Variants in ZMYM4 observed in about 807,000 individuals in gnomAD.
The protein encoded by ZMYM4 is zinc finger MYM-type containing 4, also known as zinc finger MYM-type protein 4.
Under a neutral mutation model 183.2 loss-of-function variants are expected in ZMYM4, and 31 were observed. The ratio of observed to expected loss-of-function variants is 0.17; its 90% CI spans 0.13 to 0.23. ZMYM4 has a LOEUF of 0.23. ZMYM4 is among the 10% of genes least tolerant of loss of function. ZMYM4 has a pLI of 1.00. For synonymous variants in ZMYM4, 592 were observed against 631.2 expected (o/e 0.94, Z 0.93); for missense variants, 1,273 against 1,840.3 (o/e 0.69, Z 5.64).
At chr1:35,314,357 T>C (rs913114250) in intron 1 of ZMYM4, among the ~76,000 whole-genome samples, 1 of 151,992 alleles carries the variant, frequency 6.6e-6, no homozygotes, top group Non-Finnish European at 1.5e-5. Flanking sequence ...CAATCTCAGC[T>C]CACTGCAACC....
rs757817247 is a variant in ZMYM4, at chr1:35,386,186, C to G, written c.1833C>G (p.Phe611Leu). ...NFCSYSCVVA[F>L]QNLFNKPTGM... is the part of the protein sequence containing the mutation. Reference sequence around the variant, plus strand: ...GCAGCTACAGCTGTGTGGTAGCTTTCCAGGTATGGCTTCAGGAACCTTCCT... The same window carrying G: ...GCAGCTACAGCTGTGTGGTAGCTTTGCAGGTATGGCTTCAGGAACCTTCCT... Residue 611 changes from phenylalanine to leucine, a missense_variant, in exon 11 of 30, where the codon TTC becomes TTG. Physicochemically the swap from Phe to Leu is conservative, Grantham distance 22 (BLOSUM62 0). Around this residue, in one of 6 missense-constraint regions of ZMYM4, gnomAD observed 319 missense variants for 518.1 expected, o/e 0.62. Transcript: ENST00000314607. 6.2e-7 allele frequency: 1 copy of G among 1,611,408 alleles called. No individual in the cohort carries two copies. The highest frequency in any genetic ancestry group is 2.2e-5 in the East Asian group (1 of 44,802).
chr1:35,268,735 C>G lies in ZMYM4; in HGVS notation c.-312C>G, dbSNP rs1487590045. Among the ~76,000 whole-genome samples, 1 of 152,234 alleles carries G rather than the reference C, an allele frequency of 6.6e-6. No homozygotes were observed. Among genetic ancestry groups the G allele is most frequent in the African/African-American group, 2.4e-5 (1 of 41,464 alleles). The stretch of plus-strand genomic sequence containing the variant: ...ATTTGGTGATCCCTTTAAGAAACCG[C>G]AGGCGGAGGAATTTCTCTGAGAGAA... On this transcript the variant is annotated 5_prime_UTR_variant, in exon 1 of 30. Transcript: ENST00000314607.
At chr1:35,394,935 G>A (rs1015179401) in intron 18 of ZMYM4, among the ~76,000 whole-genome samples, 5 of 152,124 alleles carry the variant, frequency 3.3e-5, no homozygotes, top group Admixed American at 1.3e-4. Flanking sequence ...GCAACATAGC[G>A]AGACCATCTC....
At position 35,389,882 on chromosome 1, in the gene ZMYM4, T is replaced by G. The variant is rs565288260; in HGVS notation, c.2437-66T>G. ...AATTTCGTCACTTGTTATGTGTGTC[T>G]TATTTTTATTTTGTCAGACCACAGA... On this transcript the variant is annotated intron_variant, in intron 14 of 29. Transcript: ENST00000314607. The surrounding 1 kb of genome is among the most constrained non-coding windows in gnomAD (Gnocchi z 4.0). 28 of 1,528,744 alleles carry G rather than the reference T, an allele frequency of 1.8e-5. No individual in the cohort carries two copies. In the South Asian group the frequency reaches 3.1e-4, roughly 17 times the overall value. The allele number at this position is 1,528,744 out of a possible 1,614,324, so 94.7% of individuals were successfully genotyped here.
intron 17 of ZMYM4, among the ~76,000 whole-genome samples, chr1:35,393,005 T>A (rs1179578576): frequency 6.6e-6 from 1 of 152,202 alleles, no homozygotes; most frequent in East Asian, 1.9e-4. Flanking sequence ...AAAATGTTTA[T>A]ACAATGTAGC....
At position 35,297,700 on chromosome 1, in the gene ZMYM4, A is replaced by G. The variant is rs184740253; in HGVS notation, c.40-27660A>G. Among the ~76,000 whole-genome samples the G allele has an allele frequency of 1.4e-4, 21 of 152,268 alleles. No homozygotes were observed. The East Asian group carries it at 4.1e-3, about 29-fold the overall frequency. On this transcript the variant is annotated intron_variant, in intron 1 of 29. Transcript: ENST00000314607. ...TTTGGGTTCCCAAGGTACTTGCTTT[A>G]GTTGGCATTTCATCATCACCAACCA... is the stretch of plus-strand genomic sequence containing the variant.
At chr1:35,404,796 A>G in intron 23 of ZMYM4, 1 of 377,474 alleles carries the variant, frequency 2.6e-6, no homozygotes, top group Non-Finnish European at 4.7e-6. Flanking sequence ...GTTAGTGATT[A>G]TTACAGTGTG....
intron 2 of ZMYM4, among the ~76,000 whole-genome samples, chr1:35,356,286 A>G (rs1482508206): frequency 1.3e-5 from 2 of 152,214 alleles, no homozygotes. Flanking sequence ...ACTTCTTAGT[A>G]TTGACTTCTC....
intron 1 of ZMYM4, among the ~76,000 whole-genome samples, chr1:35,312,676 CCTT>C (rs1641856380): frequency 6.8e-6 from 1 of 147,606 alleles, no homozygotes; most frequent in Non-Finnish European, 1.5e-5. Flanking sequence ...CTCTTCTTTC[CCTT>C]CTTTCTTTTC....
At chr1:35,394,816 A>G (rs1168459228) in intron 18 of ZMYM4, among the ~76,000 whole-genome samples, 2 of 152,148 alleles carry the variant, frequency 1.3e-5, no homozygotes, top group East Asian at 3.9e-4. Context: ...CTGCCATCCA[A>G]AAGTCCTAGA....
chr1:35,358,143 G>A (rs893968231), intron 2 of ZMYM4, among the ~76,000 whole-genome samples: 10 of 152,124 alleles, frequency 6.6e-5, no homozygotes, highest in Non-Finnish European at 1.2e-4. Context: ...AAGGGTTAAT[G>A]ATAGAGATGA....
At chr1:35,306,555 C>T (rs976112450) in intron 1 of ZMYM4, among the ~76,000 whole-genome samples, 1 of 152,088 alleles carries the variant, frequency 6.6e-6, no homozygotes, top group Non-Finnish European at 1.5e-5. Context: ...TACTTTTTAA[C>T]ACAATAAGAT....
At chr1:35,386,899 T>G in intron 11 of ZMYM4, 104 bp from the exon 12 acceptor site, 3 of 1,285,930 alleles carry the variant, frequency 2.3e-6, no homozygotes, top group Non-Finnish European at 3.2e-6. Context: ...TGTTAACAGA[T>G]GTACCTTACA....
intron 1 of ZMYM4, among the ~76,000 whole-genome samples, chr1:35,296,279 A>G (rs1398502158): frequency 2.0e-5 from 3 of 152,174 alleles, no homozygotes; most frequent in Non-Finnish European, 4.4e-5. Context: ...ATGCCAGGGA[A>G]ATCTACTGTC....
intron 1 of ZMYM4, among the ~76,000 whole-genome samples, chr1:35,286,518 A>C (rs1206571410): frequency 6.6e-6 from 1 of 151,822 alleles, no homozygotes; most frequent in Non-Finnish European, 1.5e-5. Flanking sequence ...AAGCTTTTTG[A>C]AGTTAGAATC....
intron 2 of ZMYM4, among the ~76,000 whole-genome samples, chr1:35,331,180 A>G (rs970371471): frequency 6.6e-6 from 1 of 152,198 alleles, no homozygotes; most frequent in Non-Finnish European, 1.5e-5. Flanking sequence ...GGATCCTTCA[A>G]ACATTGTAAA....
chr1:35,348,342 T>G (rs1643474761), intron 2 of ZMYM4, among the ~76,000 whole-genome samples: 1 of 152,246 alleles, frequency 6.6e-6, no homozygotes, highest in Non-Finnish European at 1.5e-5. Context: ...GAAATATATT[T>G]TACATTGAGA....
At position 35,272,769 on chromosome 1, in the gene ZMYM4, C is replaced by T. The variant is rs979320766; in HGVS notation, c.39+3684C>T. Among the ~76,000 whole-genome samples, 10 of 152,074 alleles carry T rather than the reference C, an allele frequency of 6.6e-5. 1 individual carries two copies. The East Asian group carries it at 1.5e-3, about 23-fold the overall frequency. On this transcript the variant is annotated intron_variant, in intron 1 of 29. Coordinates refer to ENST00000314607, the MANE Select transcript of ZMYM4 (RefSeq NM_005095.3). ...TGTCGCCCATGCTGGAGTGCAGTGG[C>T]GCTATCTCAGCTCACTGCAAGCTCC...
At chr1:35,270,088 C>T (rs1479109057) in intron 1 of ZMYM4, among the ~76,000 whole-genome samples, 2 of 152,178 alleles carry the variant, frequency 1.3e-5, no homozygotes, top group Non-Finnish European at 2.9e-5. Flanking sequence ...TGAGTGCTTA[C>T]TGTGTGCCTG....
Sources: gnomAD v4.1 joint callset for allele counts (sites outside exome capture counted in the v4.1 genomes callset) on GRCh38, gnomAD v4.1.1 for gene constraint, gnomAD v4.1.1 regional missense constraint, Gnocchi (gnomAD v3.1) non-coding constraint, MANE v1.5 for transcripts, NCBI Gene and HGNC (gene_info 2026-07-23, HGNC 2026-07-21) for gene names.